Variants in UNC13C observed in about 807,000 individuals in gnomAD.
UNC13C encodes protein unc-13 homolog C.
In UNC13C, 174 loss-of-function variants were observed where a neutral mutation model predicts 245.4. That is an observed-to-expected ratio of 0.71 (90% CI 0.63 to 0.80). The LOEUF (loss-of-function observed/expected upper bound fraction) is 0.80. UNC13C is among the 30% of genes least tolerant of loss of function. The probability of loss-of-function intolerance (pLI) is 0.00; values close to 1 mark genes in which losing one functional copy is unlikely to be tolerated. For missense variants in UNC13C, 2,829 were observed against 2,602.9 expected, an observed-to-expected ratio of 1.09 and a Z score of -1.89; for synonymous variants, 992 against 895.1, an observed-to-expected ratio of 1.11 and a Z score of -1.93.
At chr15:54,010,437 A>G (rs982655084) in intron 1 of UNC13C, among the ~76,000 whole-genome samples, 1 of 152,160 alleles carries the variant, frequency 6.6e-6, no homozygotes, top group Non-Finnish European at 1.5e-5. Context: ...GGTCTCAAAT[A>G]TATAGATATT....
intron 19 of UNC13C, among the ~76,000 whole-genome samples, chr15:54,453,497 CT>C (rs926125714): frequency 6.6e-6 from 1 of 152,184 alleles, no homozygotes; most frequent in African/African-American, 2.4e-5. Flanking sequence ...TAACCTTCAG[CT>C]TTTTAACTAC....
chr15:54,000,984 C>A (rs1368642671), intron 1 of UNC13C, among the ~76,000 whole-genome samples: 1 of 152,146 alleles, frequency 6.6e-6, no homozygotes, highest in Non-Finnish European at 1.5e-5. Flanking sequence ...TTGAACCTTA[C>A]TCTTTCGTAA....
At chr15:54,381,987 C>T (rs1214680780) in intron 17 of UNC13C, among the ~76,000 whole-genome samples, 1 of 152,142 alleles carries the variant, frequency 6.6e-6, no homozygotes, top group Non-Finnish European at 1.5e-5. Flanking sequence ...GAATAAAATA[C>T]ATGTTAGTCC....
chr15:54,025,820 G>T (rs1896086198), intron 2 of UNC13C, among the ~76,000 whole-genome samples: 1 of 152,106 alleles, frequency 6.6e-6, no homozygotes, highest in Non-Finnish European at 1.5e-5. Flanking sequence ...TGATTATTCA[G>T]GTGTCATTTC....
intron 2 of UNC13C, among the ~76,000 whole-genome samples, chr15:54,134,055 T>TGTG (rs1029969655): frequency 4.0e-5 from 6 of 151,658 alleles, no homozygotes; most frequent in Non-Finnish European, 5.9e-5. Flanking sequence ...GTTACGTGTG[T>TGTG]GTGTGTGTGT....
At chr15:54,276,545 G>A (rs2036837354) in intron 10 of UNC13C, among the ~76,000 whole-genome samples, 1 of 152,080 alleles carries the variant, frequency 6.6e-6, no homozygotes. Flanking sequence ...ACAGTATCAT[G>A]TGCATTTACA....
At chr15:54,403,186 G>C (rs1362452063) in intron 18 of UNC13C, among the ~76,000 whole-genome samples, 1 of 152,106 alleles carries the variant, frequency 6.6e-6, no homozygotes, top group African/African-American at 2.4e-5. Flanking sequence ...GGCTGTCCCT[G>C]GCCATCTCCA....
At chr15:54,115,601 A>G (rs1335521200) in intron 2 of UNC13C, among the ~76,000 whole-genome samples, 1 of 152,136 alleles carries the variant, frequency 6.6e-6, no homozygotes, top group African/African-American at 2.4e-5. Flanking sequence ...TGGGACATCC[A>G]TCATCTTAAA....
the UNC13C span, among the ~76,000 whole-genome samples, chr15:53,852,155 A>C: frequency 1.4e-4 from 22 of 152,142 alleles, no homozygotes; most frequent in Non-Finnish European, 2.6e-4. Flanking sequence ...CATTTTTCCC[A>C]GGAAGATATT....
intron 24 of UNC13C, among the ~76,000 whole-genome samples, chr15:54,520,644 C>T (rs1463758259): frequency 6.6e-6 from 1 of 152,090 alleles, no homozygotes; most frequent in African/African-American, 2.4e-5. Context: ...GGAAAGTTAA[C>T]AGAAGACAGA....
At chr15:54,393,660 ATAATC>A (rs1386214000) in intron 18 of UNC13C, among the ~76,000 whole-genome samples, 1 of 151,934 alleles carries the variant, frequency 6.6e-6, no homozygotes, top group Non-Finnish European at 1.5e-5. Flanking sequence ...TTCACAAAGT[ATAATC>A]TAAAGTTCAT....
At chr15:53,861,507 T>C in the UNC13C span, among the ~76,000 whole-genome samples, 7 of 152,272 alleles carry the variant, frequency 4.6e-5, no homozygotes, top group African/African-American at 1.7e-4. Flanking sequence ...TCACACTTGT[T>C]CTTAGTCAAA....
intron 1 of UNC13C, among the ~76,000 whole-genome samples, chr15:54,004,661 C>T (rs1159356710): frequency 6.6e-6 from 1 of 152,196 alleles, no homozygotes; most frequent in East Asian, 1.9e-4. Context: ...TCAACATCCT[C>T]ACCAGCATTT....
intron 10 of UNC13C, among the ~76,000 whole-genome samples, chr15:54,289,175 G>C (rs904261515): frequency 1.3e-5 from 2 of 152,020 alleles, no homozygotes; most frequent in Non-Finnish European, 2.9e-5. Context: ...ACTAGCACAT[G>C]ACCCTCTTTT....
intron 8 of UNC13C, among the ~76,000 whole-genome samples, chr15:54,263,676 T>A (rs1567144122): frequency 1.3e-5 from 2 of 152,086 alleles, no homozygotes; most frequent in Non-Finnish European, 2.9e-5. Flanking sequence ...AGCTCAATCA[T>A]TTTCTTCCCA....
chr15:54,330,161 A>G (rs1349117790), intron 14 of UNC13C, among the ~76,000 whole-genome samples: 2 of 152,056 alleles, frequency 1.3e-5, no homozygotes, highest in African/African-American at 2.4e-5. Context: ...ACAGAGGGCA[A>G]AAGTTGAAAA....
At chr15:53,970,739 C>G in the UNC13C span, among the ~76,000 whole-genome samples, 2 of 152,180 alleles carry the variant, frequency 1.3e-5, no homozygotes, top group East Asian at 1.9e-4. Flanking sequence ...GGGCTTAATA[C>G]TTACGTGTTG....
chr15:54,423,799 A>AT (rs1330464080), intron 19 of UNC13C, among the ~76,000 whole-genome samples: 2 of 151,708 alleles, frequency 1.3e-5, no homozygotes, highest in Admixed American at 1.3e-4. Flanking sequence ...TTAACTTTGT[A>AT]TTTTTTCTAT....
chr15:54,042,285 A>G (rs1283518683), intron 2 of UNC13C, among the ~76,000 whole-genome samples: 1 of 152,162 alleles, frequency 6.6e-6, no homozygotes, highest in Admixed American at 6.5e-5. Flanking sequence ...ATACATAGGG[A>G]TTTATCACTG....
Sources: allele counts gnomAD v4.1 joint callset (sites outside exome capture counted in the v4.1 genomes callset), GRCh38; gene constraint gnomAD v4.1.1; transcripts MANE v1.5; gene names NCBI Gene and HGNC (gene_info 2026-07-23, HGNC 2026-07-21).